FAM135A: variants seen among roughly 807,000 people sequenced by gnomAD.
The protein encoded by FAM135A is family with sequence similarity 135 member A.
A neutral mutation model predicts 146.8 loss-of-function variants in FAM135A; 79 were observed. The ratio of observed to expected loss-of-function variants is 0.54; its 90% CI spans 0.45 to 0.65. The LOEUF is 0.65. Among genes scored for constraint, FAM135A ranks in the 30% least tolerant of loss-of-function variants. FAM135A has a pLI of 0.00. For missense variants in FAM135A, 1,623 were observed against 1,758.2 expected, an observed-to-expected ratio of 0.92 and a Z score of 1.38; for synonymous variants, 562 against 603.6, an observed-to-expected ratio of 0.93 and a Z score of 1.01.
At chr6:70,434,989 A>T (rs1256437937) in intron 4 of FAM135A, among the ~76,000 whole-genome samples, 4 of 151,564 alleles carry the variant, frequency 2.6e-5, no homozygotes, top group African/African-American at 9.7e-5. Context: ...CATAAGATAA[A>T]CTACTACAAA....
At chr6:70,436,000 A>G (rs1773036449) in intron 4 of FAM135A, among the ~76,000 whole-genome samples, 1 of 152,140 alleles carries the variant, frequency 6.6e-6, no homozygotes, top group Non-Finnish European at 1.5e-5. Flanking sequence ...CCTGGCCAAC[A>G]TGGTGAAACC....
At chr6:70,541,125 G>A (rs1186780913) in intron 20 of FAM135A, among the ~76,000 whole-genome samples, 1 of 152,136 alleles carries the variant, frequency 6.6e-6, no homozygotes, top group Non-Finnish European at 1.5e-5. Context: ...CTTCTCATCA[G>A]TATCTTTAAA....
At chr6:70,470,255 A>G (rs1781342409) in intron 5 of FAM135A, among the ~76,000 whole-genome samples, 1 of 152,248 alleles carries the variant, frequency 6.6e-6, no homozygotes, top group South Asian at 2.1e-4. Flanking sequence ...ACATTATCTC[A>G]CAGTTTCTGT....
chr6:70,559,601 G>A (rs1801577731), intron 21 of FAM135A, 115 bp from the exon 22 acceptor site: 3 of 818,536 alleles, frequency 3.7e-6, no homozygotes, highest in African/African-American at 1.7e-5. Context: ...CCATTTTTCT[G>A]CTTTATATGG....
chr6:70,559,773 A>G lies in FAM135A; in HGVS notation c.4400A>G (p.Asp1467Gly), dbSNP rs1801612789. The change falls in exon 22 of 22, where the codon GAC (aspartate) becomes GGC (glycine). Residue 1467 changes from aspartate (D) to glycine (G), a missense_variant. By Grantham distance (94) the Asp-to-Gly change is moderately conservative (BLOSUM62 -1). Transcript: ENST00000418814. The part of the protein sequence containing the change: ...NLLRPVLQSK[D>G]CNLVRYNVIN... The stretch of plus-strand genomic sequence containing the variant: ...CTTCGACCCGTTCTGCAAAGCAAGG[A>G]CTGTAATTTGGTTCGCTATAATGTC... 5 of 1,614,152 alleles carry G rather than the reference A, an allele frequency of 3.1e-6. No homozygotes were observed. Among genetic ancestry groups the G allele is most frequent in the Non-Finnish European group, 4.2e-6 (5 of 1,180,018 alleles).
chr6:70,458,795 C>G (rs1177941494), intron 5 of FAM135A, among the ~76,000 whole-genome samples: 2 of 152,118 alleles, frequency 1.3e-5, no homozygotes, highest in Admixed American at 6.6e-5. Context: ...TCCTCCCCAG[C>G]AGTCTGAAAA....
At chr6:70,523,900 G>A in intron 13 of FAM135A, 67 bp from the exon 14 acceptor site, 1 of 1,505,642 alleles carries the variant, frequency 6.6e-7, no homozygotes, top group Non-Finnish European at 9.0e-7. Context: ...GGAAAGGGTA[G>A]ATTCTACAAA....
intron 4 of FAM135A, among the ~76,000 whole-genome samples, chr6:70,431,469 G>C (rs1771599438): frequency 6.6e-6 from 1 of 152,138 alleles, no homozygotes. Context: ...TGGGTCCACA[G>C]AAGAGAGAAA....
At chr6:70,554,283 C>G (rs1022419161) in intron 20 of FAM135A, among the ~76,000 whole-genome samples, 8 of 152,274 alleles carry the variant, frequency 5.3e-5, no homozygotes, top group African/African-American at 1.9e-4. Context: ...TTTGGACTTA[C>G]TTGGAGAAGA....
chr6:70,523,116 G>A (rs1582739475), intron 13 of FAM135A, among the ~76,000 whole-genome samples: 1 of 150,816 alleles, frequency 6.6e-6, no homozygotes, highest in Non-Finnish European at 1.5e-5. Context: ...ATTGAATACT[G>A]TATGATTCTA....
intron 20 of FAM135A, among the ~76,000 whole-genome samples, chr6:70,546,757 A>AT (rs1798939883): frequency 6.6e-6 from 1 of 152,218 alleles, no homozygotes; most frequent in African/African-American, 2.4e-5. Flanking sequence ...ATAAACATTC[A>AT]TTAAATTTTT....
chr6:70,491,412 G>A (rs976588955), intron 11 of FAM135A, among the ~76,000 whole-genome samples: 3 of 151,842 alleles, frequency 2.0e-5, no homozygotes, highest in African/African-American at 7.2e-5. Context: ...AAATGATACT[G>A]TTTAAAAATG....
intron 10 of FAM135A, among the ~76,000 whole-genome samples, chr6:70,486,959 A>G (rs1367408088): frequency 6.6e-6 from 1 of 151,832 alleles, no homozygotes; most frequent in Non-Finnish European, 1.5e-5. Flanking sequence ...TCTGCACTGC[A>G]GAAATAGAGA....
intron 12 of FAM135A, among the ~76,000 whole-genome samples, chr6:70,520,308 G>A (rs575004049): frequency 2.8e-4 from 43 of 152,076 alleles, no homozygotes; most frequent in African/African-American, 6.7e-4. Context: ...GTGCAAGGAC[G>A]TAAAAAACAT....
chr6:70,555,535 G>A lies in FAM135A; in HGVS notation c.4229-1215G>A, dbSNP rs1800671943. Among the ~76,000 whole-genome samples the A allele has an allele frequency of 2.6e-5, 4 of 152,100 alleles. No homozygotes were observed. The South Asian group carries it at 8.3e-4, about 32-fold the overall frequency. On this transcript the variant is annotated intron_variant, in intron 20 of 21. Coordinates refer to ENST00000418814, the MANE Select transcript of FAM135A (RefSeq NM_001162529.3). ...CCCAAAGTTCTGAGATTACAGGCAT[G>A]AGCCACCTCGCCCAGCCTGGAAATC... is the stretch of plus-strand genomic sequence containing the variant.
intron 4 of FAM135A, among the ~76,000 whole-genome samples, chr6:70,450,357 G>A (rs1379062179): frequency 1.3e-5 from 2 of 152,086 alleles, no homozygotes; most frequent in Non-Finnish European, 2.9e-5. Context: ...ACAATGTGAT[G>A]GAGATTTCCT....
At chr6:70,535,664 C>G (rs1356707951) in intron 18 of FAM135A, among the ~76,000 whole-genome samples, 1 of 152,124 alleles carries the variant, frequency 6.6e-6, no homozygotes, top group African/African-American at 2.4e-5. Flanking sequence ...AGGTTGGGGA[C>G]CACTGATTTA....
rs574479058 is a variant in FAM135A, at chr6:70,444,669, T to C, written c.78-7823T>C. On this transcript the variant is annotated intron_variant, in intron 4 of 21. Coordinates refer to ENST00000418814, the MANE Select transcript of FAM135A (RefSeq NM_001162529.3). ...AAATGTATTTACAGTGGTAGACTGC[T>C]TTCATAAATATCAGATGAACTTTAT... 2.0e-5 allele frequency among the ~76,000 whole-genome samples: 3 copies of C among 152,360 alleles called. No homozygotes were observed. The South Asian group carries it at 6.2e-4, about 32-fold the overall frequency.
rs369384632 is a variant in FAM135A at position 70,449,916 on chromosome 6, C to T, written c.78-2576C>T. ...GGTTCCTTTTTCTCCACATCCTCAC[C>T]GACACTATCTTTTCCGTTTTCTTTT... On this transcript the variant is annotated intron_variant, in intron 4 of 21. Transcript: ENST00000418814. Among the ~76,000 whole-genome samples, 9 of 152,244 alleles carry T rather than the reference C, an allele frequency of 5.9e-5. No homozygotes were observed. The East Asian group carries it at 7.7e-4, about 13-fold the overall frequency.
Sources: allele counts gnomAD v4.1 joint callset (sites outside exome capture counted in the v4.1 genomes callset), GRCh38; gene constraint gnomAD v4.1.1; transcripts MANE v1.5; gene names NCBI Gene and HGNC (gene_info 2026-07-23, HGNC 2026-07-21).